ITPR2: variants seen among roughly 807,000 people sequenced by gnomAD.
ITPR2 encodes the protein inositol 1,4,5-trisphosphate-gated calcium channel ITPR2.
Under a neutral mutation model 317.1 loss-of-function variants are expected in ITPR2, and 207 were observed. The ratio of observed to expected loss-of-function variants is 0.65; its 90% CI spans 0.58 to 0.73. The LOEUF (loss-of-function observed/expected upper bound fraction) is 0.73. Among genes scored for constraint, ITPR2 ranks in the 30% least tolerant of loss-of-function variants. The pLI is 0.00. For synonymous variants in ITPR2, 1,156 were observed against 1,149.1 expected (o/e 1.01, Z -0.12); for missense variants, 2,613 against 3,284.0 (o/e 0.80, Z 4.99).
At chr12:26,645,990 T>C (rs1377417163) in intron 21 of ITPR2, among the ~76,000 whole-genome samples, 2 of 147,834 alleles carry the variant, frequency 1.4e-5, no homozygotes, top group Admixed American at 1.3e-4. Context: ...TTTTTTTTTT[T>C]GGTAAGATAC....
chr12:26,802,795 A>G (rs1950582412), intron 1 of ITPR2, among the ~76,000 whole-genome samples: 1 of 152,092 alleles, frequency 6.6e-6, no homozygotes, highest in African/African-American at 2.4e-5. Flanking sequence ...CTCAAAATAA[A>G]CATAATTTAC....
chr12:26,593,293 C>G (rs1945753158), intron 32 of ITPR2, among the ~76,000 whole-genome samples: 2 of 152,338 alleles, frequency 1.3e-5, no homozygotes, highest in South Asian at 4.1e-4. Flanking sequence ...CTGTATTTCA[C>G]CAAGCCCTCC....
intron 34 of ITPR2, among the ~76,000 whole-genome samples, chr12:26,563,570 G>A (rs191950676): frequency 8.0e-4 from 121 of 151,882 alleles, no homozygotes; most frequent in African/African-American, 2.8e-3. Flanking sequence ...AAAAAAGATA[G>A]AATGTGGGGA....
At chr12:26,628,643 C>G (rs1318503564) in intron 22 of ITPR2, among the ~76,000 whole-genome samples, 1 of 152,160 alleles carries the variant, frequency 6.6e-6, no homozygotes, top group Non-Finnish European at 1.5e-5. Context: ...CATCTATACA[C>G]CATGGATTTT....
At chr12:26,505,836 T>G (rs972385604) in intron 37 of ITPR2, among the ~76,000 whole-genome samples, 1 of 152,172 alleles carries the variant, frequency 6.6e-6, no homozygotes, top group East Asian at 1.9e-4. Context: ...CAAAATTTGA[T>G]GCTGAGTGCC....
chr12:26,681,714 A>G (rs1272200964), intron 13 of ITPR2, among the ~76,000 whole-genome samples, 160 bp downstream of exon 13: 1 of 152,206 alleles, frequency 6.6e-6, no homozygotes, highest in African/African-American at 2.4e-5. Flanking sequence ...AATTTCACTC[A>G]CTCACTATGA....
At chr12:26,574,952 C>G (rs1307421058) in intron 34 of ITPR2, among the ~76,000 whole-genome samples, 6 of 151,822 alleles carry the variant, frequency 4.0e-5, no homozygotes, top group Admixed American at 3.9e-4. Context: ...CAGACCCCAC[C>G]TCCAACGTCG....
chr12:26,801,178 T>C (rs61920593), intron 1 of ITPR2: 25,741 of 158,914 alleles, frequency 0.16, 2,826 homozygotes, highest in Non-Finnish European at 0.24. Flanking sequence ...CTGGGCAAAG[T>C]AGCCACTGAC....
At chr12:26,626,477 C>CA (rs1946627507) in intron 23 of ITPR2, among the ~76,000 whole-genome samples, 1 of 152,218 alleles carries the variant, frequency 6.6e-6, no homozygotes, top group African/African-American at 2.4e-5. Flanking sequence ...ACTTAAAACT[C>CA]ATGTTTCCAG....
chr12:26,421,307 G>T (rs1327899326), intron 49 of ITPR2: 1 of 152,148 alleles, frequency 6.6e-6, no homozygotes, highest in Non-Finnish European at 1.5e-5. Context: ...TCTAGAGCTT[G>T]ATGAATAGAT....
intron 2 of ITPR2, among the ~76,000 whole-genome samples, chr12:26,727,445 T>C (rs565212331): frequency 6.6e-6 from 1 of 152,350 alleles, no homozygotes; most frequent in Admixed American, 6.5e-5. Context: ...AAAAATTGTG[T>C]TTCTCTTCAT....
chr12:26,787,070 G>A (rs78937648), intron 2 of ITPR2, among the ~76,000 whole-genome samples: 2,240 of 152,298 alleles, frequency 0.015, 63 homozygotes, highest in African/African-American at 0.05. Context: ...GGCAAGAGCC[G>A]TAAAGACAAG....
intron 52 of ITPR2, among the ~76,000 whole-genome samples, chr12:26,404,689 A>G (rs1371234081): frequency 6.6e-6 from 1 of 152,182 alleles, no homozygotes; most frequent in Non-Finnish European, 1.5e-5. Context: ...AGGGAATAAG[A>G]AAACCCAGAG....
intron 54 of ITPR2, among the ~76,000 whole-genome samples, chr12:26,391,576 T>G (rs1196279061): frequency 1.3e-4 from 18 of 134,352 alleles, no homozygotes; most frequent in Admixed American, 3.1e-4. Context: ...TTTTTTTTTT[T>G]TTTTTTTTGA....
rs1387190553 is a variant in ITPR2, at chr12:26,753,156, T to TA, written c.164-27392dup. On this transcript the variant is annotated intron_variant, in intron 2 of 56. Transcript: ENST00000381340. ...AGAGTGGATTAGAGGCCCCACTTAA[T>TA]AAAAGGCAAGGACACTTGACTGACC... is the stretch of plus-strand genomic sequence containing the variant. Among the ~76,000 whole-genome samples the TA allele has an allele frequency of 2.0e-5, 3 of 152,244 alleles. No homozygotes were observed. The East Asian group carries it at 5.8e-4, about 29-fold the overall frequency.
intron 10 of ITPR2, 150 bp downstream of exon 10, chr12:26,695,456 C>A: frequency 3.2e-6 from 2 of 624,408 alleles, no homozygotes; most frequent in South Asian, 2.2e-5. Flanking sequence ...TAATCTAAGC[C>A]ATATCATCTT....
intron 37 of ITPR2, among the ~76,000 whole-genome samples, chr12:26,527,960 G>A (rs367924582): frequency 3.9e-5 from 6 of 152,114 alleles, no homozygotes; most frequent in Non-Finnish European, 5.9e-5. Context: ...AAAGGGAAGC[G>A]CCTTATGTGA....
chr12:26,598,508 A>C (rs536984034), intron 30 of ITPR2, among the ~76,000 whole-genome samples: 2 of 152,324 alleles, frequency 1.3e-5, no homozygotes, highest in East Asian at 3.9e-4. Flanking sequence ...TTAAGCTGCT[A>C]CTTCTCCAAT....
chr12:26,727,670 T>C (rs1948953625), intron 2 of ITPR2, among the ~76,000 whole-genome samples: 1 of 152,172 alleles, frequency 6.6e-6, no homozygotes, highest in Non-Finnish European at 1.5e-5. Context: ...GTAATCCCCC[T>C]ACAGGGGGTC....
Sources: allele counts gnomAD v4.1 joint callset (sites outside exome capture counted in the v4.1 genomes callset), GRCh38; gene constraint gnomAD v4.1.1; transcripts MANE v1.5; gene names NCBI Gene and HGNC (gene_info 2026-07-23, HGNC 2026-07-21).